Variants in ST8SIA6 observed in about 807,000 individuals in gnomAD.
ST8SIA6 encodes ST8 alpha-N-acetyl-neuraminide alpha-2,8-sialyltransferase 6.
A neutral mutation model predicts 33.6 loss-of-function variants in ST8SIA6; 39 were observed. That is an observed-to-expected ratio of 1.16 (90% confidence interval 0.90 to 1.52). ST8SIA6 has a LOEUF of 1.52. ST8SIA6 is among the 40% of genes most tolerant of loss of function. The pLI is 0.00. For missense variants in ST8SIA6, 441 were observed against 443.8 expected (o/e 0.99, Z 0.06); for synonymous variants, 172 against 167.2 (o/e 1.03, Z -0.22).
intron 2 of ST8SIA6, among the ~76,000 whole-genome samples, chr10:17,397,689 T>A (rs1326223889): frequency 6.6e-6 from 1 of 152,214 alleles, no homozygotes; most frequent in Non-Finnish European, 1.5e-5. Flanking sequence ...TGGTACACAT[T>A]TCCCTTTTTT....
intron 2 of ST8SIA6, among the ~76,000 whole-genome samples, chr10:17,449,054 T>C (rs555940344): frequency 7.9e-5 from 12 of 151,174 alleles, no homozygotes; most frequent in African/African-American, 2.2e-4. Flanking sequence ...TAAAATGTAA[T>C]TATAAACAGT....
chr10:17,329,318 G>A (rs1010053699), intron 5 of ST8SIA6, among the ~76,000 whole-genome samples: 4 of 152,202 alleles, frequency 2.6e-5, no homozygotes, highest in Non-Finnish European at 5.9e-5. Context: ...GCAGAACTGG[G>A]ATAGGAACCC....
chr10:17,415,117 G>A (rs914297759), intron 2 of ST8SIA6, among the ~76,000 whole-genome samples: 4 of 151,978 alleles, frequency 2.6e-5, no homozygotes, highest in Non-Finnish European at 4.4e-5. Context: ...CCCCCTGTAA[G>A]CACCACTTCT....
At chr10:17,328,486 T>A (rs1229526544) in intron 5 of ST8SIA6, among the ~76,000 whole-genome samples, 1 of 152,232 alleles carries the variant, frequency 6.6e-6, no homozygotes, top group African/African-American at 2.4e-5. Context: ...TCACTTTCCA[T>A]GAAGTAATAA....
intron 2 of ST8SIA6, among the ~76,000 whole-genome samples, chr10:17,419,745 T>G (rs1851721901): frequency 6.6e-6 from 1 of 152,214 alleles, no homozygotes; most frequent in East Asian, 1.9e-4. Context: ...ATCCCTTTCT[T>G]GTTTTTGTTT....
intron 6 of ST8SIA6, among the ~76,000 whole-genome samples, chr10:17,326,810 CAT>C (rs1439303579): frequency 3.3e-5 from 5 of 152,184 alleles, no homozygotes; most frequent in African/African-American, 4.8e-5. Flanking sequence ...CATATATAAA[CAT>C]AGCACATTTT....
At chr10:17,398,514 C>A (rs1850912797) in intron 2 of ST8SIA6, among the ~76,000 whole-genome samples, 1 of 152,112 alleles carries the variant, frequency 6.6e-6, no homozygotes, top group Non-Finnish European at 1.5e-5. Context: ...AATCGGTCCC[C>A]TGGCCAAGTA....
chr10:17,370,358 G>T (rs796984988), intron 3 of ST8SIA6, among the ~76,000 whole-genome samples: 7 of 152,186 alleles, frequency 4.6e-5, no homozygotes, highest in African/African-American at 1.4e-4. Context: ...TTAGATTTAT[G>T]TCTGCTATTT....
intron 3 of ST8SIA6, among the ~76,000 whole-genome samples, chr10:17,372,465 T>A (rs968999279): frequency 3.9e-5 from 6 of 152,252 alleles, no homozygotes; most frequent in African/African-American, 1.4e-4. Context: ...AGCTCTGCTA[T>A]TTGTAACTGG....
In ST8SIA6 at chr10:17,378,378, G is replaced by C. The variant is rs1290585453; in HGVS notation, c.290+12153C>G. 2.6e-5 allele frequency among the ~76,000 whole-genome samples: 4 copies of C among 152,262 alleles called. No individual in the cohort carries two copies. The South Asian group carries it at 8.3e-4, about 32-fold the overall frequency. On this transcript the variant is annotated intron_variant, in intron 3 of 7. Coordinates refer to ENST00000377602, the MANE Select transcript of ST8SIA6 (RefSeq NM_001004470.3). ...TTTGTCACTTTGGAAAGCAAAAACG[G>C]ATAATGTCAGAGACCACTGAAGAGA...
chr10:17,349,435 G>T (rs758508032), intron 4 of ST8SIA6, among the ~76,000 whole-genome samples: 3 of 152,122 alleles, frequency 2.0e-5, no homozygotes, highest in Non-Finnish European at 4.4e-5. Context: ...GAAATAATCA[G>T]AATAGCTACC....
chr10:17,367,307 G>C (rs1245317167), intron 3 of ST8SIA6, among the ~76,000 whole-genome samples: 1 of 152,142 alleles, frequency 6.6e-6, no homozygotes, highest in African/African-American at 2.4e-5. Context: ...ATGGTGGCAG[G>C]CAAGAGAATA....
At chr10:17,329,121 ACT>A (rs1848221922) in intron 5 of ST8SIA6, among the ~76,000 whole-genome samples, 1 of 152,016 alleles carries the variant, frequency 6.6e-6, no homozygotes, top group South Asian at 2.1e-4. Flanking sequence ...TAGCAAAGAA[ACT>A]CGGTTTCAGT....
In ST8SIA6 at chr10:17,326,399, T is replaced by C. The variant is rs182305556; in HGVS notation, c.635+615A>G. On this transcript the variant is annotated intron_variant, in intron 6 of 7. Coordinates refer to ENST00000377602, the MANE Select transcript of ST8SIA6 (RefSeq NM_001004470.3). ...AGTGGAGATGCTTTGGTATGGCTTA[T>C]TAGTACAAGGCACACAGAAAAACCA... Among the ~76,000 whole-genome samples, 336 of 152,302 alleles carry C rather than the reference T, an allele frequency of 2.2e-3. 1 individual carries two copies. The highest frequency in any genetic ancestry group is 7.8e-3 in the African/African-American group (323 of 41,560).
In ST8SIA6 at chr10:17,453,676, A is replaced by T; in HGVS notation, c.102-19T>A. On this transcript the variant is annotated intron_variant, in intron 1 of 7. Transcript: ENST00000377602. ...CAGAATCCTGCACAGCCGGGGAGAA[A>T]ACTTAAGTTGCTACACCCCGCCGGG... The T allele has an allele frequency of 7.7e-7, 1 of 1,296,616 alleles. No homozygotes were observed. The highest frequency in any genetic ancestry group is 9.9e-7 in the Non-Finnish European group (1 of 1,013,566). The allele number at this position is 1,296,616 out of a possible 1,614,324, so 80.3% of individuals were successfully genotyped here. A position where few individuals can be genotyped will look rare whatever the true frequency, so the allele number is the denominator to read the frequency against.
chr10:17,451,427 G>A (rs2131751725), intron 2 of ST8SIA6, among the ~76,000 whole-genome samples: 2 of 152,332 alleles, frequency 1.3e-5, no homozygotes, highest in African/African-American at 4.8e-5. Flanking sequence ...GTGGGAGAGT[G>A]AGAGTGAGGG....
chr10:17,420,407 G>A (rs920836808), intron 2 of ST8SIA6, among the ~76,000 whole-genome samples: 20 of 151,872 alleles, frequency 1.3e-4, no homozygotes, highest in East Asian at 5.8e-4. Flanking sequence ...GCGAGACTCC[G>A]TCAAAAAAAT....
intron 2 of ST8SIA6, among the ~76,000 whole-genome samples, chr10:17,437,669 C>T (rs1178663601): frequency 6.7e-6 from 1 of 148,960 alleles, no homozygotes; most frequent in South Asian, 2.2e-4. Flanking sequence ...TTCCTTCTGT[C>T]TCTCTTTCTC....
intron 2 of ST8SIA6, chr10:17,408,004 A>C (rs1312548307): frequency 1.3e-5 from 2 of 152,620 alleles, no homozygotes; most frequent in Non-Finnish European, 2.9e-5. Flanking sequence ...GGAAGAGGAG[A>C]CTTATGTTAC....
Sources: allele counts gnomAD v4.1 joint callset (sites outside exome capture counted in the v4.1 genomes callset), GRCh38; gene constraint gnomAD v4.1.1; transcripts MANE v1.5; gene names NCBI Gene and HGNC (gene_info 2026-07-23, HGNC 2026-07-21).